Variants in ITGA8 observed in about 807,000 individuals in gnomAD.
ITGA8 encodes integrin subunit alpha 8.
Under a neutral mutation model 142.3 loss-of-function variants are expected in ITGA8, and 91 were observed. That is an observed-to-expected ratio of 0.64 (90% CI 0.54 to 0.76). The LOEUF (loss-of-function observed/expected upper bound fraction) is 0.76. ITGA8 is among the 30% of genes least tolerant of loss of function. The pLI is 0.00. For synonymous variants in ITGA8, 505 were observed against 485.2 expected (o/e 1.04, Z -0.54); for missense variants, 1,406 against 1,327.7 (o/e 1.06, Z -0.92).
intron 2 of ITGA8, among the ~76,000 whole-genome samples, chr10:15,717,658 T>C (rs1239956234): frequency 6.6e-6 from 1 of 152,252 alleles, no homozygotes; most frequent in Non-Finnish European, 1.5e-5. Flanking sequence ...AATTTTCCAA[T>C]GCTTTTATAA....
intron 14 of ITGA8, among the ~76,000 whole-genome samples, chr10:15,615,253 C>CT (rs1007170318): frequency 6.6e-6 from 1 of 152,226 alleles, no homozygotes; most frequent in Non-Finnish European, 1.5e-5. Flanking sequence ...AAGCCCCATA[C>CT]TTCAGACACC....
intron 20 of ITGA8, among the ~76,000 whole-genome samples, chr10:15,599,939 CA>C (rs559617249): frequency 1.1e-4 from 17 of 151,760 alleles, no homozygotes; most frequent in African/African-American, 3.9e-4. Context: ...AAAACAAAAC[CA>C]AAAAACAAAA....
chr10:15,643,104 A>G (rs927115857), intron 13 of ITGA8, among the ~76,000 whole-genome samples: 3 of 152,340 alleles, frequency 2.0e-5, no homozygotes, highest in Non-Finnish European at 2.9e-5. Context: ...AGACAAATCA[A>G]TGTCTTCATA....
intron 5 of ITGA8, among the ~76,000 whole-genome samples, chr10:15,678,207 TAA>T (rs1554786277): frequency 7.7e-6 from 1 of 130,628 alleles, no homozygotes; most frequent in African/African-American, 2.7e-5. Flanking sequence ...AAAAGAATGA[TAA>T]AAGACAGTAA....
chr10:15,576,732 A>T (rs538549221), intron 23 of ITGA8, among the ~76,000 whole-genome samples: 6 of 152,204 alleles, frequency 3.9e-5, no homozygotes, highest in Admixed American at 3.9e-4. Flanking sequence ...TGTACCACAA[A>T]TGTTCGGAAA....
intron 21 of ITGA8, among the ~76,000 whole-genome samples, chr10:15,595,257 C>CA (rs1402195446): frequency 3.5e-4 from 54 of 152,132 alleles, no homozygotes; most frequent in African/African-American, 1.2e-3. Flanking sequence ...ACATTCCTGG[C>CA]AATTTATGTT....
intron 23 of ITGA8, among the ~76,000 whole-genome samples, chr10:15,576,249 TGAGA>T (rs986080621): frequency 6.6e-6 from 1 of 152,046 alleles, no homozygotes; most frequent in African/African-American, 2.4e-5. Context: ...ATCTCAAGTG[TGAGA>T]GAGAGACAGA....
rs79443210 is a variant in ITGA8, at chr10:15,579,064, T to C, written c.2373-3470A>G. ...ATAAATTACATCAGAATAAACACCA[T>C]GGACCAAAAATAAAGTTCCGGGAGA... On this transcript the variant is annotated intron_variant, in intron 23 of 29. Transcript: ENST00000378076. Among the ~76,000 whole-genome samples the C allele has an allele frequency of 7.5e-3, 1,135 of 152,226 alleles. 24 individuals carry two copies. The highest frequency in any genetic ancestry group is 0.026 in the African/African-American group (1,086 of 41,566).
chr10:15,549,751 C>G (rs994511447), intron 26 of ITGA8, among the ~76,000 whole-genome samples: 1 of 152,146 alleles, frequency 6.6e-6, no homozygotes, highest in Non-Finnish European at 1.5e-5. Context: ...AGACATTTCA[C>G]TTTAATGAAA....
At chr10:15,687,882 A>G in intron 3 of ITGA8, 56 bp downstream of exon 3, 1 of 1,018,750 alleles carries the variant, frequency 9.8e-7, no homozygotes, top group South Asian at 1.3e-5. Flanking sequence ...GCTTGAAAAC[A>G]TTCCAGTGCA....
Position 15,647,066 on chromosome 10 carries a change from G to T in ITGA8, c.1002-15C>A. The T allele has an allele frequency of 6.2e-7, 1 of 1,603,530 alleles. No homozygotes were observed. The highest frequency in any genetic ancestry group is 8.5e-7 in the Non-Finnish European group (1 of 1,171,862). On this transcript the variant is annotated splice_polypyrimidine_tract_variant and intron_variant, in intron 11 of 29. Coordinates refer to ENST00000378076, the MANE Select transcript of ITGA8 (RefSeq NM_003638.3). Reference sequence around the variant, plus strand: ...CATCATCCAGTCTGTAAGGAACAAAGAAAGCAGCTCAGCACGCTAGCAGAG... The same window carrying T: ...CATCATCCAGTCTGTAAGGAACAAATAAAGCAGCTCAGCACGCTAGCAGAG...
chr10:15,658,895 C>T (rs1834235451), intron 10 of ITGA8, 104 bp downstream of exon 10: 2 of 794,612 alleles, frequency 2.5e-6, no homozygotes, highest in Non-Finnish European at 2.1e-6. Context: ...TACGTAGTAG[C>T]TGCTCATTAA....
At chr10:15,692,941 A>G (rs1001795435) in intron 2 of ITGA8, among the ~76,000 whole-genome samples, 12 of 152,168 alleles carry the variant, frequency 7.9e-5, no homozygotes, top group African/African-American at 1.9e-4. Context: ...AGTGATGCAC[A>G]TCTGTAGTCT....
chr10:15,716,148 C>G (rs1835447323), intron 2 of ITGA8, among the ~76,000 whole-genome samples: 1 of 152,208 alleles, frequency 6.6e-6, no homozygotes, highest in African/African-American at 2.4e-5. Flanking sequence ...CTTGTGTAGC[C>G]TTTCCTGCCT....
In ITGA8 at chr10:15,620,479, T is replaced by A. The variant is rs1411715333; in HGVS notation, c.1400-3920A>T. Among the ~76,000 whole-genome samples the A allele has an allele frequency of 2.0e-5, 3 of 152,190 alleles. No homozygotes were observed. In the East Asian group the frequency reaches 5.8e-4, roughly 29 times the overall value. On this transcript the variant is annotated intron_variant, in intron 13 of 29. Coordinates refer to ENST00000378076, the MANE Select transcript of ITGA8 (RefSeq NM_003638.3). ...TAATTTCTGTGCCTTCGGGTGGGAA[T>A]TTTTTCTACTCTGGAAAAATAAAAT...
intron 21 of ITGA8, among the ~76,000 whole-genome samples, chr10:15,595,548 A>G (rs1461959863): frequency 3.3e-5 from 5 of 152,222 alleles, no homozygotes; most frequent in Admixed American, 2.6e-4. Flanking sequence ...ATACTTTCAC[A>G]TAAACACATT....
chr10:15,683,378 A>G (rs1407412765), intron 4 of ITGA8, among the ~76,000 whole-genome samples: 1 of 150,616 alleles, frequency 6.6e-6, no homozygotes, highest in Admixed American at 6.6e-5. Flanking sequence ...TTCAACAGAG[A>G]TAAAGTGATT....
At chr10:15,517,651 G>C (rs9333250) in intron 29 of ITGA8, among the ~76,000 whole-genome samples, 297 of 152,328 alleles carry the variant, frequency 1.9e-3, no homozygotes, top group African/African-American at 6.9e-3. Context: ...GGAGCCTGGA[G>C]CTCTGCACGT....
intron 2 of ITGA8, among the ~76,000 whole-genome samples, chr10:15,689,521 G>C (rs1428316232): frequency 6.6e-6 from 1 of 152,198 alleles, no homozygotes; most frequent in Non-Finnish European, 1.5e-5. Flanking sequence ...TGCTTCGGGA[G>C]AATTCTGCAG....
Sources: allele counts gnomAD v4.1 joint callset (sites outside exome capture counted in the v4.1 genomes callset), GRCh38; gene constraint gnomAD v4.1.1; transcripts MANE v1.5; gene names NCBI Gene and HGNC (gene_info 2026-07-23, HGNC 2026-07-21).